TBCK: variants seen among roughly 807,000 people sequenced by gnomAD.
The protein encoded by TBCK is TBC1 domain containing kinase, also known as TBC domain-containing protein kinase-like protein.
In TBCK, 99 loss-of-function variants were observed where a neutral mutation model predicts 113.4. That is an observed-to-expected ratio of 0.87 (90% CI 0.74 to 1.03). The LOEUF is 1.03. TBCK is among the 50% of genes least tolerant of loss of function. The pLI is 0.00. For synonymous variants in TBCK, 369 were observed against 370.8 expected (o/e 1.00, Z 0.05); for missense variants, 1,045 against 1,061.3 (o/e 0.98, Z 0.21).
intron 19 of TBCK, among the ~76,000 whole-genome samples, chr4:106,216,890 C>G (rs1195891215): frequency 6.6e-6 from 1 of 151,642 alleles, no homozygotes; most frequent in African/African-American, 2.4e-5. Flanking sequence ...ATTCTGATAC[C>G]AAAGCCAGGC....
intron 19 of TBCK, among the ~76,000 whole-genome samples, chr4:106,228,830 A>G (rs1009302496): frequency 3.3e-5 from 5 of 152,052 alleles, no homozygotes; most frequent in African/African-American, 1.2e-4. Flanking sequence ...ACTGTTCTCC[A>G]TAGTGGTTAT....
chr4:106,116,114 T>C (rs908418640), intron 24 of TBCK, 89 bp downstream of exon 24: 11 of 1,231,230 alleles, frequency 8.9e-6, no homozygotes, highest in African/African-American at 3.0e-5. Flanking sequence ...ATCCCAGAAT[T>C]TTTTTTTTTT....
chr4:106,275,972 CAGA>C, intron 3 of TBCK, among the ~76,000 whole-genome samples: 1 of 152,078 alleles, frequency 6.6e-6, no homozygotes, highest in East Asian at 1.9e-4. Context: ...AATCTTGAAA[CAGA>C]AGAACAAAAT....
intron 23 of TBCK, among the ~76,000 whole-genome samples, chr4:106,163,891 GA>G (rs1179543126): frequency 6.6e-6 from 1 of 151,968 alleles, no homozygotes; most frequent in African/African-American, 2.4e-5. Flanking sequence ...TTGGAATATA[GA>G]AAGAAAAATT....
At chr4:106,191,737 GA>G (rs1309296398) in intron 22 of TBCK, among the ~76,000 whole-genome samples, 1 of 152,106 alleles carries the variant, frequency 6.6e-6, no homozygotes, top group Non-Finnish European at 1.5e-5. Flanking sequence ...TTATTTCATG[GA>G]AAGATGAATT....
chr4:106,308,793 A>G lies in TBCK; in HGVS notation c.168T>C (p.Tyr56=), dbSNP rs1263082309. ...CATGCTTTCCCCTAGAAATATCCACATACTGGCAGAGTCTGGGATGGGTGA... is the reference window on the plus strand; with the variant it reads ...CATGCTTTCCCCTAGAAATATCCACGTACTGGCAGAGTCTGGGATGGGTGA... ...KTITHPRLCQ[Y]VDISRGKHER... The change falls in exon 2 of 26, where the codon TAT becomes TAC. Residue 56 remains tyrosine, a synonymous_variant. Transcript: ENST00000394708. The G allele has an allele frequency of 8.7e-6, 14 of 1,613,794 alleles. No homozygotes were observed. Among genetic ancestry groups the G allele is most frequent in the Non-Finnish European group, 1.2e-5 (14 of 1,179,926 alleles).
At chr4:106,233,110 C>T (rs897171564) in intron 16 of TBCK, 46 bp from the exon 17 acceptor site, 2 of 1,543,432 alleles carry the variant, frequency 1.3e-6, no homozygotes, top group African/African-American at 1.4e-5. Flanking sequence ...ATTGTGTAAT[C>T]AGCAATAAAC....
intron 20 of TBCK, among the ~76,000 whole-genome samples, chr4:106,197,572 A>C (rs1754412153): frequency 6.6e-6 from 1 of 151,942 alleles, no homozygotes. Flanking sequence ...AAAAACACCC[A>C]CAACTGTTAT....
At chr4:106,160,234 A>G (rs527635086) in intron 23 of TBCK, among the ~76,000 whole-genome samples, 1 of 152,096 alleles carries the variant, frequency 6.6e-6, no homozygotes, top group Non-Finnish European at 1.5e-5. Flanking sequence ...TTTCTAGGAG[A>G]TGACACCAAA....
intron 25 of TBCK, among the ~76,000 whole-genome samples, chr4:106,073,863 A>C (rs752776718): frequency 6.6e-6 from 1 of 152,178 alleles, no homozygotes; most frequent in Non-Finnish European, 1.5e-5. Flanking sequence ...TCACAGTTCG[A>C]TCTCAGACTG....
intron 23 of TBCK, among the ~76,000 whole-genome samples, chr4:106,119,304 AGCC>A (rs1743956359): frequency 6.6e-6 from 1 of 152,210 alleles, no homozygotes; most frequent in Non-Finnish European, 1.5e-5. Context: ...TCTGCCCAAA[AGCC>A]TTTACATACA....
chr4:106,166,499 C>T (rs894274514), intron 23 of TBCK, among the ~76,000 whole-genome samples: 2 of 151,640 alleles, frequency 1.3e-5, no homozygotes, highest in Non-Finnish European at 3.0e-5. Context: ...TTTAGGAGTA[C>T]ATGTGCAGGT....
At chr4:106,291,061 T>G (rs1049461493) in intron 3 of TBCK, among the ~76,000 whole-genome samples, 1 of 152,162 alleles carries the variant, frequency 6.6e-6, no homozygotes, top group Admixed American at 6.5e-5. Context: ...GAGAGGCAAG[T>G]GACAATTAAG....
intron 24 of TBCK, among the ~76,000 whole-genome samples, chr4:106,102,978 A>G (rs1203559325): frequency 6.6e-6 from 1 of 152,206 alleles, no homozygotes. Flanking sequence ...GCGAAGATTT[A>G]CCTTGGTAAG....
chr4:106,309,344 G>T (rs1353224923), intron 1 of TBCK, among the ~76,000 whole-genome samples: 1 of 115,002 alleles, frequency 8.7e-6, no homozygotes, highest in African/African-American at 3.6e-5. Flanking sequence ...AGACAGTCTC[G>T]CACTGTCACC....
intron 12 of TBCK, among the ~76,000 whole-genome samples, chr4:106,239,063 G>C (rs937276227): frequency 6.6e-6 from 1 of 152,082 alleles, no homozygotes; most frequent in Admixed American, 6.6e-5. Flanking sequence ...AATACAGCCA[G>C]AGTACTCTGT....
At chr4:106,240,107 C>T (rs1392359547) in intron 12 of TBCK, among the ~76,000 whole-genome samples, 1 of 151,864 alleles carries the variant, frequency 6.6e-6, no homozygotes, top group Non-Finnish European at 1.5e-5. Flanking sequence ...ATAATTAAAT[C>T]CATTAACATA....
At chr4:106,131,342 G>T (rs968159436) in intron 23 of TBCK, among the ~76,000 whole-genome samples, 3 of 152,242 alleles carry the variant, frequency 2.0e-5, no homozygotes, top group Admixed American at 6.5e-5. Context: ...GCCAGGCGCC[G>T]TGGCTCATGC....
At chr4:106,123,732 G>C (rs1250602373) in intron 23 of TBCK, among the ~76,000 whole-genome samples, 8 of 151,886 alleles carry the variant, frequency 5.3e-5, no homozygotes, top group African/African-American at 1.9e-4. Context: ...ACAAACCTGA[G>C]AAAAACAAGC....
Sources: allele counts gnomAD v4.1 joint callset (sites outside exome capture counted in the v4.1 genomes callset), GRCh38; gene constraint gnomAD v4.1.1; transcripts MANE v1.5; gene names NCBI Gene and HGNC (gene_info 2026-07-23, HGNC 2026-07-21).